The following NRXN3 variants were observed in gnomAD, a reference collection of about 807,000 sequenced individuals.
NRXN3 encodes the protein neurexin 3, also known as neurexin III.
Under a neutral mutation model 137.6 loss-of-function variants are expected in NRXN3, and 32 were observed. That is an observed-to-expected ratio of 0.23 (90% CI 0.18 to 0.31). The LOEUF is 0.31. NRXN3 is among the 10% of genes least tolerant of loss of function. The pLI, the probability that NRXN3 is intolerant of heterozygous loss-of-function variation, is 1.00. For synonymous variants in NRXN3, 798 were observed against 784.5 expected (o/e 1.02, Z -0.29); for missense variants, 1,574 against 2,062.5 (o/e 0.76, Z 4.59).
At chr14:79,842,782 T>G (rs1478668052) in intron 20 of NRXN3, among the ~76,000 whole-genome samples, 1 of 152,152 alleles carries the variant, frequency 6.6e-6, no homozygotes, top group Non-Finnish European at 1.5e-5. Context: ...GCAAAAATCA[T>G]GAATACAATA....
rs74067158 is a variant in NRXN3, at chr14:78,879,837, G to A, written c.2275+69493G>A. Among the ~76,000 whole-genome samples, 744 of 152,188 alleles carry A rather than the reference G, an allele frequency of 4.9e-3. 8 individuals are homozygous for A. Among genetic ancestry groups the A allele is most frequent in the African/African-American group, 0.017 (689 of 41,514 alleles). On this transcript the variant is annotated intron_variant, in intron 10 of 20. Transcript: ENST00000335750. ...AGTATATCAATTTTTTTCCACAGTA[G>A]GTTAAGGGATTCATGGAGGGACCCC...
Position 79,467,294 on chromosome 14 carries a change from C to T in NRXN3, c.3336C>T (p.Ser1112=). The change falls in exon 16 of 21, where the codon AGC becomes AGT. Residue 1112 remains serine, a synonymous_variant. Coordinates refer to ENST00000335750, the MANE Select transcript of NRXN3 (RefSeq NM_001330195.2). The part of the protein sequence containing the change: ...LYTWPANDRP[S]TRSDRLAVGF... ...CCTGGCCAGCCAATGACAGGCCCAGCACGCGGTCTGACCGCCTTGCCGTGG... is the reference window on the plus strand; with the variant it reads ...CCTGGCCAGCCAATGACAGGCCCAGTACGCGGTCTGACCGCCTTGCCGTGG... 6.2e-7 allele frequency: 1 copy of T among 1,613,470 alleles called. No individual in the cohort carries two copies. Among genetic ancestry groups the T allele is most frequent in the Non-Finnish European group, 8.5e-7 (1 of 1,179,402 alleles).
intron 15 of NRXN3, among the ~76,000 whole-genome samples, chr14:79,014,795 A>G (rs1037791835): frequency 3.3e-5 from 5 of 152,104 alleles, no homozygotes; most frequent in African/African-American, 1.2e-4. Flanking sequence ...ATGTTCCTTC[A>G]ATCTTTGAAG....
chr14:79,267,156 G>A (rs1257495705), intron 15 of NRXN3, among the ~76,000 whole-genome samples: 1 of 152,108 alleles, frequency 6.6e-6, no homozygotes, highest in Non-Finnish European at 1.5e-5. Flanking sequence ...TGTGTTGGGT[G>A]ACCTGTTATA....
intron 15 of NRXN3, among the ~76,000 whole-genome samples, chr14:79,170,236 T>A (rs2061651893): frequency 6.6e-6 from 1 of 151,986 alleles, no homozygotes; most frequent in South Asian, 2.1e-4. Context: ...ATTCTAGGAG[T>A]CTGTAACATA....
At chr14:79,254,937 C>G (rs1348554188) in intron 15 of NRXN3, among the ~76,000 whole-genome samples, 1 of 151,602 alleles carries the variant, frequency 6.6e-6, no homozygotes, top group Non-Finnish European at 1.5e-5. Flanking sequence ...CTGATTCTAC[C>G]TCTTTTTTCA....
At chr14:79,819,641 C>T (rs997157370) in intron 20 of NRXN3, among the ~76,000 whole-genome samples, 8 of 151,846 alleles carry the variant, frequency 5.3e-5, no homozygotes, top group South Asian at 2.1e-4. Flanking sequence ...TGAGCCACCA[C>T]GCCCAGCTAA....
chr14:78,416,848 G>A (rs1428944392), intron 4 of NRXN3, among the ~76,000 whole-genome samples: 1 of 152,184 alleles, frequency 6.6e-6, no homozygotes, highest in Non-Finnish European at 1.5e-5. Flanking sequence ...CTTGTGAAAT[G>A]CCAAACTTTA....
intron 4 of NRXN3, among the ~76,000 whole-genome samples, chr14:78,494,438 G>A (rs8020162): frequency 0.061 from 5,413 of 88,194 alleles, 297 homozygotes; most frequent in African/African-American, 0.15. Context: ...TTTTTTTTTT[G>A]TCTGATTTCC....
At chr14:78,343,769 G>A (rs916915880) in intron 4 of NRXN3, among the ~76,000 whole-genome samples, 5 of 152,158 alleles carry the variant, frequency 3.3e-5, no homozygotes, top group African/African-American at 1.2e-4. Flanking sequence ...CACCTTGGCC[G>A]CACATTGCAA....
intron 4 of NRXN3, among the ~76,000 whole-genome samples, chr14:78,367,167 G>A (rs1271616037): frequency 5.9e-4 from 89 of 152,076 alleles, no homozygotes; most frequent in Non-Finnish European, 2.9e-5. Flanking sequence ...TGCTGGTTCT[G>A]TGCTTCTGGG....
intron 15 of NRXN3, among the ~76,000 whole-genome samples, chr14:79,061,845 C>T (rs767168766): frequency 2.6e-5 from 4 of 152,126 alleles, no homozygotes; most frequent in African/African-American, 7.2e-5. Flanking sequence ...GGTGGACTAA[C>T]GCAGCATGCC....
intron 8 of NRXN3, among the ~76,000 whole-genome samples, chr14:78,761,887 G>A (rs569430679): frequency 1.3e-5 from 2 of 152,192 alleles, no homozygotes; most frequent in East Asian, 3.9e-4. Context: ...CAACCTGATG[G>A]TATTTAGAGT....
chr14:79,727,697 C>T (rs2098899669), intron 19 of NRXN3, among the ~76,000 whole-genome samples: 1 of 152,098 alleles, frequency 6.6e-6, no homozygotes, highest in South Asian at 2.1e-4. Flanking sequence ...ACTTCATCTA[C>T]TGTGAATGAC....
At chr14:78,824,845 G>A (rs1376973625) in intron 10 of NRXN3, among the ~76,000 whole-genome samples, 1 of 152,048 alleles carries the variant, frequency 6.6e-6, no homozygotes, top group African/African-American at 2.4e-5. Flanking sequence ...AATGGTAAAT[G>A]CTTGAGGTGA....
At chr14:78,673,559 A>G (rs1418054083) in intron 6 of NRXN3, among the ~76,000 whole-genome samples, 3 of 152,230 alleles carry the variant, frequency 2.0e-5, no homozygotes, top group Non-Finnish European at 4.4e-5. Flanking sequence ...GGCTGCCCTA[A>G]CAGAATACCA....
chr14:79,067,676 G>T (rs955705871), intron 15 of NRXN3, among the ~76,000 whole-genome samples: 3 of 151,788 alleles, frequency 2.0e-5, no homozygotes, highest in Non-Finnish European at 4.4e-5. Context: ...ATTTTTCCTG[G>T]TTCAAATTTA....
chr14:78,915,845 A>C (rs2099253946), intron 10 of NRXN3, among the ~76,000 whole-genome samples: 1 of 152,162 alleles, frequency 6.6e-6, no homozygotes, highest in African/African-American at 2.4e-5. Flanking sequence ...CAAGATACTC[A>C]AGACTCCCAA....
At chr14:78,689,761 C>T (rs8020921) in intron 6 of NRXN3, among the ~76,000 whole-genome samples, 3,522 of 152,124 alleles carry the variant, frequency 0.023, 132 homozygotes, top group African/African-American at 0.079. Context: ...ATTGACACCC[C>T]TTCTCTGGAG....
Sources: gnomAD v4.1 joint callset for allele counts (sites outside exome capture counted in the v4.1 genomes callset) on GRCh38, gnomAD v4.1.1 for gene constraint, MANE v1.5 for transcripts, NCBI Gene and HGNC (gene_info 2026-07-23, HGNC 2026-07-21) for gene names.